The following ZNF276 variants were observed in gnomAD, a reference collection of about 807,000 sequenced individuals.
The protein encoded by ZNF276 is zinc finger protein 276.
Under a neutral mutation model 63.9 loss-of-function variants are expected in ZNF276, and 59 were observed. The ratio of observed to expected loss-of-function variants is 0.92; its 90% confidence interval spans 0.75 to 1.15. The LOEUF (loss-of-function observed/expected upper bound fraction) is 1.15, where lower values mean the gene tolerates loss of function less well. Ranked by LOEUF, ZNF276 falls within the 50% of genes most tolerant of loss-of-function variation. The pLI, the probability that ZNF276 is intolerant of heterozygous loss-of-function variation, is 0.00. For synonymous variants in ZNF276, 496 were observed against 348.4 expected (o/e 1.42, Z -4.72); for missense variants, 1,084 against 843.8 (o/e 1.28, Z -3.53).
intron 4 of ZNF276, 34 bp from the exon 5 acceptor site, chr16:89,727,245 G>A: frequency 2.5e-6 from 4 of 1,604,134 alleles, no homozygotes; most frequent in Non-Finnish European, 3.4e-6. Flanking sequence ...TGTGCTCCGT[G>A]TTGGTAACAG....
Position 89,721,577 on chromosome 16 carries a change from C to T in ZNF276, c.-64C>T, listed in dbSNP as rs1324861879. 13 of 1,429,800 alleles carry T rather than the reference C, an allele frequency of 9.1e-6. No homozygotes were observed. Among genetic ancestry groups the T allele is most frequent in the Non-Finnish European group, 1.0e-5 (11 of 1,086,162 alleles). 88.6% of individuals were successfully genotyped at this position (1,429,800 alleles called of 1,614,324 possible). ...CAGCGCGCCGAGCGGAGCCTAACGC[C>T]GGGTCCTCTAGGAACCTCGGGCCGG... On this transcript the variant is annotated 5_prime_UTR_variant, in exon 1 of 11. Transcript: ENST00000443381.
intron 4 of ZNF276, among the ~76,000 whole-genome samples, chr16:89,726,417 G>A (rs947992440): frequency 2.0e-5 from 3 of 152,166 alleles, no homozygotes; most frequent in African/African-American, 7.2e-5. Context: ...GGCTGGTCTC[G>A]ACCTCCCGAC....
chr16:89,734,630 T>C (rs957440329), intron 9 of ZNF276, among the ~76,000 whole-genome samples: 1 of 151,974 alleles, frequency 6.6e-6, no homozygotes, highest in Non-Finnish European at 1.5e-5. Context: ...AACAAGTGTA[T>C]CTTAAAAGGC....
Position 89,722,691 on chromosome 16 carries a change from T to G in ZNF276, c.366T>G (p.Gly122=). Reference sequence around the variant, plus strand: ...TACGGGACTTCCAGCGCCTGCTTGGTGTGGCTGTCCGCCAGGACCCCACCT... The same window carrying G: ...TACGGGACTTCCAGCGCCTGCTTGGGGTGGCTGTCCGCCAGGACCCCACCT... The part of the protein sequence containing the change: ...VLVRDFQRLL[G]VAVRQDPTLS... Residue 122 remains glycine (G), a synonymous_variant, in exon 2 of 11, where the codon GGT becomes GGG. Transcript: ENST00000443381. The G allele has an allele frequency of 6.2e-7, 1 of 1,612,434 alleles. No individual in the cohort carries two copies. The highest frequency in any genetic ancestry group is 8.5e-7 in the Non-Finnish European group (1 of 1,180,028).
intron 5 of ZNF276, among the ~76,000 whole-genome samples, chr16:89,728,275 A>C (rs1272711746): frequency 7.1e-6 from 1 of 140,678 alleles, no homozygotes; most frequent in Non-Finnish European, 1.5e-5. Context: ...CCCAGGCTGG[A>C]GTGCAGTGGT....
Position 89,738,060 on chromosome 16 carries a change from C to G in ZNF276, c.1659C>G (p.Asp553Glu), listed in dbSNP as rs939094866. The change falls in exon 11 of 11, where the codon GAC (aspartate) becomes GAG (glutamate). Residue 553 changes from aspartate (D) to glutamate (E), a missense_variant. By Grantham distance (45) the Asp-to-Glu change is conservative (BLOSUM62 2). Coordinates refer to ENST00000443381, the MANE Select transcript of ZNF276 (RefSeq NM_001113525.2). The stretch of plus-strand genomic sequence containing the variant: ...AACACAAGGCTGAGACTGAGCTGGA[C>G]TTTGCCTGTGACCAGTGTGGCCGGC... ...MTKHKAETEL[D>E]FACDQCGRRF... The G allele has an allele frequency of 6.2e-7, 1 of 1,614,150 alleles. No individual in the cohort carries two copies.
chr16:89,737,704 C>T (rs1213538891), intron 9 of ZNF276, 102 bp from the exon 10 acceptor site: 2 of 1,583,392 alleles, frequency 1.3e-6, no homozygotes, highest in Non-Finnish European at 1.7e-6. Context: ...GAACCATGTG[C>T]AGAAATGTCT....
intron 6 of ZNF276, 166 bp from the exon 7 acceptor site, chr16:89,733,136 C>G (rs1369888977): frequency 1.5e-6 from 1 of 672,446 alleles, no homozygotes; most frequent in East Asian, 2.7e-5. Flanking sequence ...GCCTCCTGTC[C>G]AGAGTTGCTC....
chr16:89,736,228 T>C (rs529351631), intron 9 of ZNF276, among the ~76,000 whole-genome samples: 4 of 152,244 alleles, frequency 2.6e-5, no homozygotes, highest in African/African-American at 9.6e-5. Context: ...GGTTTTGCTA[T>C]GTTGGCCAGG....
Position 89,739,979 on chromosome 16 carries a change from C to CAGCGT in ZNF276, c.*1734_*1738dup. 6.2e-7 allele frequency: 1 copy of CAGCGT among 1,613,590 alleles called. No individual in the cohort carries two copies. Among genetic ancestry groups the CAGCGT allele is most frequent in the Non-Finnish European group, 8.5e-7 (1 of 1,179,486 alleles). ...GCGGCCCTCCGCATTTGTGCCTCAGCAGCGTGTTTCTTACCACTCTCTGTC... is the reference window on the plus strand; with the variant it reads ...GCGGCCCTCCGCATTTGTGCCTCAGCAGCGTAGCGTGTTTCTTACCACTCTCTGTC... On this transcript the variant is annotated 3_prime_UTR_variant, in exon 11 of 11. Transcript: ENST00000443381.
At chr16:89,724,718 C>T (rs12924124) in intron 4 of ZNF276, among the ~76,000 whole-genome samples, 6,847 of 152,218 alleles carry the variant, frequency 0.045, 210 homozygotes, top group Non-Finnish European at 0.073. Context: ...GGCTCGGGGG[C>T]CTCAGGTAGG....
upstream of ZNF276, chr16:89,720,796 C>A (rs935589822): frequency 3.4e-6 from 5 of 1,460,862 alleles, no homozygotes; most frequent in Non-Finnish European, 3.6e-6. Context: ...GCTCGATGGC[C>A]CCGTTGGCAA....
chr16:89,726,681 C>G (rs903466854), intron 4 of ZNF276, among the ~76,000 whole-genome samples: 1 of 150,072 alleles, frequency 6.7e-6, no homozygotes, highest in Non-Finnish European at 1.5e-5. Flanking sequence ...GAGTCTTGCT[C>G]TTTTGCCCAG....
Position 89,737,967 on chromosome 16 carries a change from G to T in ZNF276, c.1575-9G>T, listed in dbSNP as rs1311274808. 2.5e-6 allele frequency: 4 copies of T among 1,614,098 alleles called. No homozygotes were observed. The highest frequency in any genetic ancestry group is 3.4e-6 in the Non-Finnish European group (4 of 1,179,990). ...CCCTCGCACCTTCTTATCTGCCTCT[G>T]TCCCCCAGGTGTGAGGTCTGTGGGT... On this transcript the variant is annotated splice_polypyrimidine_tract_variant and intron_variant, in intron 10 of 10. Transcript: ENST00000443381.
chr16:89,729,867 C>A (rs571730097), intron 6 of ZNF276, among the ~76,000 whole-genome samples: 2 of 152,318 alleles, frequency 1.3e-5, no homozygotes, highest in Admixed American at 1.3e-4. Context: ...TATTTTCTCT[C>A]TTCAGTTAGA....
intron 6 of ZNF276, among the ~76,000 whole-genome samples, chr16:89,731,265 T>C (rs2061640548): frequency 6.6e-6 from 1 of 152,228 alleles, no homozygotes; most frequent in Non-Finnish European, 1.5e-5. Context: ...GTTTTTGTCT[T>C]GTTTCTGAGA....
intron 9 of ZNF276, among the ~76,000 whole-genome samples, chr16:89,737,170 G>T (rs556687906): frequency 6.6e-5 from 10 of 152,294 alleles, no homozygotes; most frequent in African/African-American, 2.4e-4. Context: ...GAATTCTAGA[G>T]AACAGCCATA....
At chr16:89,731,244 C>T (rs1483798659) in intron 6 of ZNF276, among the ~76,000 whole-genome samples, 2 of 152,212 alleles carry the variant, frequency 1.3e-5, no homozygotes, top group African/African-American at 4.8e-5. Flanking sequence ...GTCAACAGTT[C>T]TTCTCAGTGC....
chr16:89,721,076 G>A (rs993536619), upstream of ZNF276: 9 of 371,230 alleles, frequency 2.4e-5, no homozygotes, highest in African/African-American at 1.5e-4. Flanking sequence ...TTGTCGCGAC[G>A]GAGCCGGGCC....
Sources: gnomAD v4.1 joint callset for allele counts (sites outside exome capture counted in the v4.1 genomes callset) on GRCh38, gnomAD v4.1.1 for gene constraint, MANE v1.5 for transcripts, NCBI Gene and HGNC (gene_info 2026-07-23, HGNC 2026-07-21) for gene names.